The following RALGPS2 variants were observed in gnomAD, a reference collection of about 807,000 sequenced individuals.
The protein encoded by RALGPS2 is Ral GEF with PH domain and SH3 binding motif 2.
RALGPS2 carries 43 observed loss-of-function variants against 86.8 expected under a neutral mutation model. The observed-to-expected ratio is 0.50, with a 90% CI of 0.39 to 0.64. The LOEUF (loss-of-function observed/expected upper bound fraction) is 0.64, where lower values mean the gene tolerates loss of function less well. Among genes scored for constraint, RALGPS2 ranks in the 30% least tolerant of loss-of-function variants. RALGPS2 has a pLI of 0.00. For synonymous variants in RALGPS2, 243 were observed against 231.3 expected (o/e 1.05, Z -0.46); for missense variants, 536 against 694.6 (o/e 0.77, Z 2.57).
chr1:178,915,833 A>ATTTTGT (rs1660790425), intron 19 of RALGPS2, among the ~76,000 whole-genome samples: 1 of 152,208 alleles, frequency 6.6e-6, no homozygotes, highest in South Asian at 2.1e-4. Context: ...CTAATAAGGA[A>ATTTTGT]TTTTGTTTTT....
chr1:178,752,065 T>C (rs1651710125), intron 1 of RALGPS2, among the ~76,000 whole-genome samples: 1 of 152,134 alleles, frequency 6.6e-6, no homozygotes. Flanking sequence ...GAGCCCAGAT[T>C]GGTCCTAGTC....
intron 1 of RALGPS2, among the ~76,000 whole-genome samples, chr1:178,732,362 G>A (rs1458193095): frequency 1.3e-5 from 2 of 152,056 alleles, no homozygotes; most frequent in East Asian, 1.9e-4. Flanking sequence ...GCAGTGGCGC[G>A]ATCTCGGCTC....
At chr1:178,797,985 T>TAAAA (rs57049056) in intron 4 of RALGPS2, among the ~76,000 whole-genome samples, 1,683 of 95,264 alleles carry the variant, frequency 0.018, 23 homozygotes, top group East Asian at 0.1. Context: ...CAACAATTTG[T>TAAAA]AAAAAAAAAA....
chr1:178,853,918 T>C, intron 8 of RALGPS2: 1 of 553,882 alleles, frequency 1.8e-6, no homozygotes, highest in Non-Finnish European at 2.8e-6. Flanking sequence ...TACAATATTA[T>C]AAAATATAAC....
In RALGPS2 at chr1:178,747,687, A is replaced by G; in HGVS notation, c.-84+22268A>G. The G allele has an allele frequency of 3.4e-6, 5 of 1,479,644 alleles. No homozygotes were observed. The South Asian group carries it at 5.7e-5, about 17-fold the overall frequency. 91.7% of individuals were successfully genotyped at this position (1,479,644 alleles called of 1,614,324 possible). A position where few individuals can be genotyped will look rare whatever the true frequency, so the allele number is the denominator to read the frequency against. Reference sequence around the variant, plus strand: ...GCAGTTTAACACAACTGTGATCATCAAGTACAGCAGCTGCCAGCGATGCTG... The same window carrying G: ...GCAGTTTAACACAACTGTGATCATCGAGTACAGCAGCTGCCAGCGATGCTG... On this transcript the variant is annotated intron_variant, in intron 1 of 19. Transcript: ENST00000367635.
intron 8 of RALGPS2, chr1:178,852,628 A>G: frequency 6.5e-7 from 1 of 1,542,780 alleles, no homozygotes. Context: ...AGTAGATTCT[A>G]TTTAATGCAT....
intron 4 of RALGPS2, among the ~76,000 whole-genome samples, chr1:178,790,993 A>G (rs533514781): frequency 2.0e-5 from 3 of 152,354 alleles, no homozygotes; most frequent in East Asian, 1.9e-4. Context: ...AACTGAGTCT[A>G]TAACTAGTAA....
intron 19 of RALGPS2, among the ~76,000 whole-genome samples, chr1:178,909,711 G>A (rs1348454060): frequency 1.4e-5 from 2 of 141,256 alleles, no homozygotes; most frequent in Admixed American, 7.4e-5. Context: ...GTGCAGTGGC[G>A]CGGTCTCGGC....
At chr1:178,914,649 G>A (rs1025628919) in intron 19 of RALGPS2, among the ~76,000 whole-genome samples, 1 of 151,680 alleles carries the variant, frequency 6.6e-6, no homozygotes, top group African/African-American at 2.4e-5. Flanking sequence ...TGCCTAGTTG[G>A]CCATCTTGTC....
At chr1:178,846,100 A>G (rs2102278698) in intron 8 of RALGPS2, among the ~76,000 whole-genome samples, 1 of 152,312 alleles carries the variant, frequency 6.6e-6, no homozygotes, top group South Asian at 2.1e-4. Flanking sequence ...CAAGAATAAT[A>G]GTTTTGTATT....
intron 16 of RALGPS2, 58 bp downstream of exon 16, chr1:178,894,082 ACT>A: frequency 9.7e-7 from 1 of 1,026,402 alleles, no homozygotes; most frequent in Non-Finnish European, 1.4e-6. Flanking sequence ...AATTTATAAG[ACT>A]CTGTAAAAGT....
chr1:178,848,456 C>T (rs957477989), intron 8 of RALGPS2, among the ~76,000 whole-genome samples: 1 of 152,124 alleles, frequency 6.6e-6, no homozygotes, highest in African/African-American at 2.4e-5. Flanking sequence ...TGGACCTTAC[C>T]TACCACACAA....
chr1:178,820,041 A>T (rs995325759), intron 6 of RALGPS2, among the ~76,000 whole-genome samples: 1 of 152,192 alleles, frequency 6.6e-6, no homozygotes, highest in Non-Finnish European at 1.5e-5. Flanking sequence ...GCTCATCACA[A>T]TCACCTCCAC....
At chr1:178,793,287 A>C (rs2102150046) in intron 4 of RALGPS2, among the ~76,000 whole-genome samples, 1 of 152,178 alleles carries the variant, frequency 6.6e-6, no homozygotes, top group African/African-American at 2.4e-5. Context: ...TTGATCTTTA[A>C]AATACTTTAT....
chr1:178,902,077 T>C lies in RALGPS2; in HGVS notation c.1525-29T>C, dbSNP rs758850245. On this transcript the variant is annotated intron_variant, in intron 17 of 19. Transcript: ENST00000367635. Reference sequence around the variant, plus strand: ...GCTAGAATAAACCATAAATTTTCTGTTTCCGCTAATTATCTTTTTTTCTCT... The same window carrying C: ...GCTAGAATAAACCATAAATTTTCTGCTTCCGCTAATTATCTTTTTTTCTCT... 4.5e-6 allele frequency: 7 copies of C among 1,539,972 alleles called. No individual in the cohort carries two copies. In the South Asian group the frequency reaches 6.7e-5, roughly 15 times the overall value.
At chr1:178,833,289 T>C (rs937148746) in intron 7 of RALGPS2, 135 bp from the exon 8 acceptor site, 1 of 810,634 alleles carries the variant, frequency 1.2e-6, no homozygotes, top group Non-Finnish European at 1.7e-6. Context: ...ATTTATATAC[T>C]ACCAAGATAT....
intron 4 of RALGPS2, among the ~76,000 whole-genome samples, chr1:178,799,777 C>T (rs1245440441): frequency 6.6e-6 from 1 of 151,962 alleles, no homozygotes; most frequent in African/African-American, 2.4e-5. Context: ...AAAGGATTGT[C>T]GGTGATATAT....
intron 1 of RALGPS2, among the ~76,000 whole-genome samples, chr1:178,751,663 T>C (rs1651665266): frequency 2.0e-5 from 3 of 152,332 alleles, no homozygotes; most frequent in South Asian, 4.1e-4. Flanking sequence ...AATTCCCTTC[T>C]TCTGGTCATT....
chr1:178,846,901 TTATC>T (rs1374451319), intron 8 of RALGPS2, among the ~76,000 whole-genome samples: 2 of 152,230 alleles, frequency 1.3e-5, no homozygotes, highest in African/African-American at 4.8e-5. Flanking sequence ...TTTATATAGA[TTATC>T]TAATACATAA....
Sources: allele counts gnomAD v4.1 joint callset (sites outside exome capture counted in the v4.1 genomes callset), GRCh38; gene constraint gnomAD v4.1.1; transcripts MANE v1.5; gene names NCBI Gene and HGNC (gene_info 2026-07-23, HGNC 2026-07-21).